Variants in GRIK2 observed in about 807,000 individuals in gnomAD.
GRIK2 encodes the protein glutamate ionotropic receptor kainate type subunit 2.
In GRIK2, 32 loss-of-function variants were observed where a neutral mutation model predicts 100.3. That is an observed-to-expected ratio of 0.32 (90% CI 0.24 to 0.43). GRIK2 has a LOEUF of 0.43. Among genes scored for constraint, GRIK2 ranks in the 20% least tolerant of loss-of-function variants. The pLI is 1.00. For missense variants in GRIK2, 843 were observed against 1,114.9 expected, an observed-to-expected ratio of 0.76 and a Z score of 3.47; for synonymous variants, 417 against 389.4, an observed-to-expected ratio of 1.07 and a Z score of -0.83.
intron 10 of GRIK2, among the ~76,000 whole-genome samples, chr6:101,838,853 AT>A (rs1389077430): frequency 1.3e-5 from 2 of 151,934 alleles, no homozygotes; most frequent in Non-Finnish European, 2.9e-5. Context: ...AGGTTTCACC[AT>A]TTTGGCCAGG....
chr6:101,766,385 A>G (rs1778046950), intron 7 of GRIK2, among the ~76,000 whole-genome samples: 1 of 152,196 alleles, frequency 6.6e-6, no homozygotes, highest in Admixed American at 6.6e-5. Flanking sequence ...GGATATAAAA[A>G]TGATATCCTG....
chr6:101,407,257 A>G (rs1312100959), intron 2 of GRIK2, among the ~76,000 whole-genome samples: 3 of 152,104 alleles, frequency 2.0e-5, no homozygotes, highest in African/African-American at 2.4e-5. Context: ...AACTCTCTCA[A>G]AATGAATGAA....
At chr6:101,994,453 A>C (rs2128493152) in intron 14 of GRIK2, among the ~76,000 whole-genome samples, 1 of 152,000 alleles carries the variant, frequency 6.6e-6, no homozygotes, top group South Asian at 2.1e-4. Flanking sequence ...TGAATTATAA[A>C]AATTATGGTA....
intron 14 of GRIK2, among the ~76,000 whole-genome samples, chr6:101,942,535 G>T (rs1791018213): frequency 6.6e-6 from 1 of 152,192 alleles, no homozygotes; most frequent in Admixed American, 6.5e-5. Flanking sequence ...AGTCCAGGCT[G>T]AGGTCGTCTG....
At chr6:101,659,612 T>C (rs1769457581) in intron 4 of GRIK2, among the ~76,000 whole-genome samples, 1 of 152,206 alleles carries the variant, frequency 6.6e-6, no homozygotes. Context: ...CTGGTACTAG[T>C]TTTTCCTTTC....
At chr6:101,455,319 C>G (rs1770942437) in intron 2 of GRIK2, among the ~76,000 whole-genome samples, 1 of 152,044 alleles carries the variant, frequency 6.6e-6, no homozygotes, top group African/African-American at 2.4e-5. Context: ...TATTGAGTCT[C>G]CTCTCTCCAA....
intron 12 of GRIK2, among the ~76,000 whole-genome samples, chr6:101,905,136 CTT>C (rs1788136618): frequency 6.6e-6 from 1 of 151,536 alleles, no homozygotes; most frequent in Non-Finnish European, 1.5e-5. Flanking sequence ...GTGTCTAAAA[CTT>C]GACTGTAGTG....
intron 2 of GRIK2, among the ~76,000 whole-genome samples, chr6:101,421,595 T>G (rs968700883): frequency 6.6e-6 from 1 of 152,216 alleles, no homozygotes; most frequent in Non-Finnish European, 1.5e-5. Context: ...ATTACTTTAT[T>G]GAGTAATGTC....
At chr6:101,614,333 G>T (rs1213980522) in intron 2 of GRIK2, among the ~76,000 whole-genome samples, 2 of 151,448 alleles carry the variant, frequency 1.3e-5, no homozygotes, top group Non-Finnish European at 3.0e-5. Context: ...ATACAGAAAA[G>T]TTCAAACAAT....
chr6:101,878,888 T>G (rs1388675250), intron 11 of GRIK2, among the ~76,000 whole-genome samples: 1 of 152,052 alleles, frequency 6.6e-6, no homozygotes, highest in African/African-American at 2.4e-5. Context: ...TCAAGCAGTA[T>G]GTACTGATTA....
intron 9 of GRIK2, among the ~76,000 whole-genome samples, chr6:101,812,973 CTCTT>C (rs774908093): frequency 1.3e-4 from 20 of 151,942 alleles, no homozygotes; most frequent in African/African-American, 1.2e-4. Context: ...TTGTTTCTCT[CTCTT>C]TCTACTCAGT....
At chr6:101,696,172 C>T (rs1772471196) in intron 7 of GRIK2, among the ~76,000 whole-genome samples, 1 of 151,844 alleles carries the variant, frequency 6.6e-6, no homozygotes, top group Admixed American at 6.6e-5. Context: ...TAACAATTTT[C>T]CCTGCTGTGA....
chr6:101,517,170 G>C (rs978364699), intron 2 of GRIK2, among the ~76,000 whole-genome samples: 1 of 152,010 alleles, frequency 6.6e-6, no homozygotes, highest in African/African-American at 2.4e-5. Context: ...AGACTTTGTG[G>C]GAGGGCATAA....
At chr6:101,623,779 C>G (rs572988348) in intron 3 of GRIK2, among the ~76,000 whole-genome samples, 6 of 152,200 alleles carry the variant, frequency 3.9e-5, no homozygotes, top group Admixed American at 1.3e-4. Flanking sequence ...TGGCTTGAAG[C>G]TAGGAAAAGC....
Position 101,859,373 on chromosome 6 carries a change from A to G in GRIK2, c.1404A>G (p.Arg468=), listed in dbSNP as rs1349735848. 3.1e-6 allele frequency: 5 copies of G among 1,601,490 alleles called. No homozygotes were observed. The highest frequency in any genetic ancestry group is 4.3e-6 in the Non-Finnish European group (5 of 1,168,696). Residue 468 remains arginine, a synonymous_variant, in exon 11 of 17, where the codon AGA becomes AGG. Coordinates refer to ENST00000369134, the MANE Select transcript of GRIK2 (RefSeq NM_021956.5). ...AAGGCTATTGCATTGATCTCCTCAG[A>G]GAGTTATCTACAATCCTTGGCTTTA... is the stretch of plus-strand genomic sequence containing the variant. The part of the protein sequence containing the change: ...RFEGYCIDLL[R]ELSTILGFTY...
At chr6:101,909,212 T>G (rs2128464680) in intron 12 of GRIK2, among the ~76,000 whole-genome samples, 1 of 150,996 alleles carries the variant, frequency 6.6e-6, no homozygotes, top group Non-Finnish European at 1.5e-5. Flanking sequence ...TGGACAGATT[T>G]TACTGAAGTA....
Position 101,963,278 on chromosome 6 carries a change from A to ATTTTTTTTTTT in GRIK2, c.2085+34673_2085+34683dup, listed in dbSNP as rs3029099. Reference sequence around the variant, plus strand: ...TATTTCATATTTATACTTATTTAGGATTTTTTTTTTTTTTTTTTTTTTTTT... The same window carrying ATTTTTTTTTTT: ...TATTTCATATTTATACTTATTTAGGATTTTTTTTTTTTTTTTTTTTTTTTTTTTTTTTTTTT... On this transcript the variant is annotated intron_variant, in intron 14 of 16. Coordinates refer to ENST00000369134, the MANE Select transcript of GRIK2 (RefSeq NM_021956.5). 5.0e-4 allele frequency among the ~76,000 whole-genome samples: 14 copies of ATTTTTTTTTTT among 27,844 alleles called. 6 individuals are homozygous for ATTTTTTTTTTT. The highest frequency in any genetic ancestry group is 7.8e-4 in the Non-Finnish European group (11 of 14,018). The allele number at this position is 27,844 out of a possible 152,430, so 18.3% of individuals were successfully genotyped here.
chr6:101,989,903 A>G (rs1411929885), intron 14 of GRIK2, among the ~76,000 whole-genome samples: 2 of 151,614 alleles, frequency 1.3e-5, no homozygotes, highest in East Asian at 3.9e-4. Flanking sequence ...AATTTTTAAA[A>G]GCACTCATTT....
intron 2 of GRIK2, among the ~76,000 whole-genome samples, chr6:101,516,374 T>C (rs1774586934): frequency 6.6e-6 from 1 of 152,164 alleles, no homozygotes; most frequent in African/African-American, 2.4e-5. Flanking sequence ...AGTGTGATAC[T>C]GGTATAAAAA....
Sources: allele counts gnomAD v4.1 joint callset (sites outside exome capture counted in the v4.1 genomes callset), GRCh38; gene constraint gnomAD v4.1.1; transcripts MANE v1.5; gene names NCBI Gene and HGNC (gene_info 2026-07-23, HGNC 2026-07-21).